CATSPERB: variants seen among roughly 807,000 people sequenced by gnomAD.
CATSPERB encodes the protein catsper channel auxiliary subunit beta.
CATSPERB carries 93 observed loss-of-function variants against 128.3 expected under a neutral mutation model. The observed-to-expected ratio is 0.72, with a 90% CI of 0.61 to 0.86. The LOEUF (loss-of-function observed/expected upper bound fraction) is 0.86, where lower values mean the gene tolerates loss of function less well. Among genes scored for constraint, CATSPERB ranks in the 40% least tolerant of loss-of-function variants. CATSPERB has a pLI of 0.00. For synonymous variants in CATSPERB, 381 were observed against 448.8 expected (o/e 0.85, Z 1.91); for missense variants, 1,153 against 1,329.5 (o/e 0.87, Z 2.06).
At chr14:91,686,250 C>T (rs922348066) in intron 10 of CATSPERB, among the ~76,000 whole-genome samples, 1 of 152,172 alleles carries the variant, frequency 6.6e-6, no homozygotes, top group African/African-American at 2.4e-5. Context: ...ATCTAGCCCC[C>T]TCAGTTGAAT....
intron 19 of CATSPERB, 35 bp from the exon 20 acceptor site, chr14:91,617,771 A>T: frequency 6.9e-7 from 1 of 1,448,162 alleles, no homozygotes; most frequent in Non-Finnish European, 9.5e-7. Flanking sequence ...ATATTAGATA[A>T]TGAAAACTGT....
At chr14:91,660,147 C>T (rs533422714) in intron 14 of CATSPERB, among the ~76,000 whole-genome samples, 166 bp from the exon 15 acceptor site, 6 of 151,842 alleles carry the variant, frequency 4.0e-5, no homozygotes, top group South Asian at 2.1e-4. Flanking sequence ...CACACACACT[C>T]GTATACAGAC....
At chr14:91,617,091 G>A (rs563883628) in intron 20 of CATSPERB, among the ~76,000 whole-genome samples, 165 of 151,908 alleles carry the variant, frequency 1.1e-3, no homozygotes, top group Non-Finnish European at 2.0e-3. Context: ...GTAATTAACC[G>A]TATACACATA....
chr14:91,713,118 A>T (rs1325605175), intron 5 of CATSPERB, among the ~76,000 whole-genome samples: 3 of 152,208 alleles, frequency 2.0e-5, no homozygotes, highest in Non-Finnish European at 4.4e-5. Flanking sequence ...CTGTTACACT[A>T]CTTCAACTAT....
intron 14 of CATSPERB, among the ~76,000 whole-genome samples, chr14:91,668,160 T>C (rs1439354948): frequency 1.3e-5 from 2 of 152,166 alleles, no homozygotes; most frequent in African/African-American, 4.8e-5. Flanking sequence ...TGGGGTGTCC[T>C]GTTTAGAGGG....
chr14:91,705,162 T>G (rs1895714217), intron 6 of CATSPERB, among the ~76,000 whole-genome samples: 1 of 151,016 alleles, frequency 6.6e-6, no homozygotes, highest in African/African-American at 2.4e-5. Context: ...TTATCATTAG[T>G]GGCCAAGAGA....
At chr14:91,615,265 T>C (rs1893914332) in intron 20 of CATSPERB, among the ~76,000 whole-genome samples, 1 of 152,172 alleles carries the variant, frequency 6.6e-6, no homozygotes, top group Non-Finnish European at 1.5e-5. Context: ...CGACCCCTAT[T>C]GTGAACTGCA....
At chr14:91,651,531 A>G (rs1894704106) in intron 15 of CATSPERB, among the ~76,000 whole-genome samples, 1 of 152,240 alleles carries the variant, frequency 6.6e-6, no homozygotes, top group Admixed American at 6.5e-5. Context: ...TCCAAAACTG[A>G]TATAGTGTTT....
At chr14:91,679,051 G>A (rs573660123) in intron 11 of CATSPERB, among the ~76,000 whole-genome samples, 16 of 152,178 alleles carry the variant, frequency 1.1e-4, no homozygotes, top group Admixed American at 2.6e-4. Flanking sequence ...ATCAAGTTAC[G>A]TGTAAATGGG....
intron 20 of CATSPERB, among the ~76,000 whole-genome samples, chr14:91,611,172 A>C (rs1893818750): frequency 6.6e-6 from 1 of 152,242 alleles, no homozygotes; most frequent in African/African-American, 2.4e-5. Flanking sequence ...GAAATACAAA[A>C]AGACATGACA....
intron 16 of CATSPERB, among the ~76,000 whole-genome samples, chr14:91,638,404 T>C (rs1704632): frequency 0.24 from 36,064 of 151,320 alleles, 4,478 homozygotes; most frequent in South Asian, 0.38. Context: ...ATGTTCCTTT[T>C]TTTTTTTTTT....
chr14:91,659,982 C>G lies in CATSPERB; in HGVS notation c.1288-1G>C. 1 of 1,579,108 alleles carries G rather than the reference C, an allele frequency of 6.3e-7. No individual in the cohort carries two copies. Among genetic ancestry groups the G allele is most frequent in the Middle Eastern group, 1.7e-4 (1 of 5,938 alleles). Reference sequence around the variant, plus strand: ...TGCCGCCATCAACTGAAAGCCATATCTAAAGGAATAAAGAGATAATACCTT... The same window carrying G: ...TGCCGCCATCAACTGAAAGCCATATGTAAAGGAATAAAGAGATAATACCTT... On this transcript the variant is annotated splice_acceptor_variant, in intron 14 of 26. Transcript: ENST00000256343. LOFTEE classifies it high-confidence loss of function.
intron 22 of CATSPERB, among the ~76,000 whole-genome samples, chr14:91,594,757 A>G (rs1893474304): frequency 6.6e-6 from 1 of 152,172 alleles, no homozygotes; most frequent in Admixed American, 6.5e-5. Context: ...ATAAAAAATT[A>G]AAAAAAGAAC....
chr14:91,668,618 C>T (rs1362611782), intron 14 of CATSPERB, among the ~76,000 whole-genome samples: 3 of 152,230 alleles, frequency 2.0e-5, no homozygotes, highest in Non-Finnish European at 4.4e-5. Flanking sequence ...AGTCTTGCTG[C>T]TGCTCACTCG....
intron 20 of CATSPERB, 99 bp downstream of exon 20, chr14:91,617,498 C>T (rs1893963368): frequency 4.9e-6 from 4 of 809,656 alleles, no homozygotes; most frequent in South Asian, 4.0e-5. Context: ...TATTTATAAA[C>T]AGAGATGTTT....
At chr14:91,668,846 A>C (rs913253665) in intron 14 of CATSPERB, among the ~76,000 whole-genome samples, 4 of 152,148 alleles carry the variant, frequency 2.6e-5, no homozygotes, top group African/African-American at 7.2e-5. Flanking sequence ...ACACATCTGA[A>C]CATCTAAAGG....
intron 7 of CATSPERB, among the ~76,000 whole-genome samples, chr14:91,695,273 G>T (rs1895543428): frequency 6.6e-6 from 1 of 152,030 alleles, no homozygotes. Context: ...GGGATTACAG[G>T]TGTGCACCAC....
rs1367120756 is a variant in CATSPERB at position 91,587,204 on chromosome 14, G to A, written c.3130C>T (p.Gln1044Ter). 1.9e-6 allele frequency: 3 copies of A among 1,598,888 alleles called. No individual in the cohort carries two copies. In the Admixed American group the frequency reaches 5.2e-5, roughly 28 times the overall value. Residue 1044 changes from glutamine (Q) to a stop codon, truncating the protein, a stop_gained and splice_region_variant, in exon 26 of 27, where the codon CAG becomes TAG. Coordinates refer to ENST00000256343, the MANE Select transcript of CATSPERB (RefSeq NM_024764.4). LOFTEE classifies it low-confidence loss of function (END_TRUNC). The part of the protein sequence containing the change: ...VTFCNLIEEF[Q>*]IYVDEAPLPF... ...GATGCCAAGTGCATCCATTTTACCTGAAATTCTTCAATTAAGTTACAAAAA... is the reference window on the plus strand; with the variant it reads ...GATGCCAAGTGCATCCATTTTACCTAAAATTCTTCAATTAAGTTACAAAAA...
chr14:91,673,165 C>A (rs549314466), intron 12 of CATSPERB, 149 bp from the exon 13 acceptor site: 24 of 684,854 alleles, frequency 3.5e-5, no homozygotes, highest in Non-Finnish European at 5.0e-5. Context: ...GGTCTTAAAA[C>A]CCACTGGTCT....
Sources: gnomAD v4.1 joint callset for allele counts (sites outside exome capture counted in the v4.1 genomes callset) on GRCh38, gnomAD v4.1.1 for gene constraint, MANE v1.5 for transcripts, NCBI Gene and HGNC (gene_info 2026-07-23, HGNC 2026-07-21) for gene names.